The following BTBD2 variants were observed in gnomAD, a reference collection of about 807,000 sequenced individuals.
BTBD2 encodes the protein BTB domain containing 2, also known as BTB/POZ domain-containing protein 2.
BTBD2 carries 15 observed loss-of-function variants against 44.0 expected under a neutral mutation model. The observed-to-expected ratio is 0.34, with a 90% CI of 0.23 to 0.53. The LOEUF is 0.53. BTBD2 is among the 20% of genes least tolerant of loss of function. The pLI, the probability that BTBD2 is intolerant of heterozygous loss-of-function variation, is 0.95. For missense variants in BTBD2, 657 were observed against 746.4 expected, an observed-to-expected ratio of 0.88 and a Z score of 1.39; for synonymous variants, 443 against 335.9, an observed-to-expected ratio of 1.32 and a Z score of -3.49.
rs1054065527 is a variant in BTBD2, at chr19:1,993,138, G to A, written c.566C>T (p.Thr189Met). 1 of 1,606,446 alleles carries A rather than the reference G, an allele frequency of 6.2e-7. No homozygotes were observed. The highest frequency in any genetic ancestry group is 8.5e-7 in the Non-Finnish European group (1 of 1,179,646). The change falls in exon 3 of 9, where the codon ACG (threonine) becomes ATG (methionine). Residue 189 changes from threonine (T) to methionine (M), a missense_variant. Physicochemically the swap from Thr to Met is moderately conservative, Grantham distance 81. Coordinates refer to ENST00000255608, the MANE Select transcript of BTBD2 (RefSeq NM_017797.4). Reference protein sequence around the residue: ...YSDEVQIGPETVMTTLYTAKK... With the variant: ...YSDEVQIGPEMVMTTLYTAKK... ...GGCGGTGTATAGCGTGGTCATCACC[G>A]TCTCCGGGCCAATCTGCACCTCGTC...
intron 3 of BTBD2, among the ~76,000 whole-genome samples, chr19:1,992,409 T>G (rs2016191986): frequency 6.6e-6 from 1 of 151,950 alleles, no homozygotes; most frequent in Non-Finnish European, 1.5e-5. Flanking sequence ...CTGAATCTTT[T>G]TTTAATTTTT....
rs568272714 is a variant in BTBD2, at chr19:1,986,147, C to T, written c.*341G>A. 16 of 341,458 alleles carry T rather than the reference C, an allele frequency of 4.7e-5. No homozygotes were observed. The South Asian group carries it at 6.1e-4, about 13-fold the overall frequency. 21.2% of individuals were successfully genotyped at this position (341,458 alleles called of 1,614,324 possible). On this transcript the variant is annotated 3_prime_UTR_variant, in exon 9 of 9. Transcript: ENST00000255608. ...GCAGTGAAGAGACGCGAGGGACGCC[C>T]GCGGCGCACCGCCGGCAGACGACGT...
chr19:1,994,637 T>C (rs768696143), intron 2 of BTBD2, among the ~76,000 whole-genome samples: 21 of 152,014 alleles, frequency 1.4e-4, no homozygotes, highest in Middle Eastern at 3.4e-3. Flanking sequence ...CGTGTGCCTG[T>C]AGTCCCAGGT....
At chr19:1,999,836 C>T (rs1048092037) in intron 1 of BTBD2, among the ~76,000 whole-genome samples, 7 of 149,876 alleles carry the variant, frequency 4.7e-5, no homozygotes, top group South Asian at 2.1e-4. Context: ...GTGGTGGGTG[C>T]CTGTAATCCC....
intron 1 of BTBD2, among the ~76,000 whole-genome samples, chr19:2,009,641 G>C (rs1014682917): frequency 1.3e-5 from 2 of 151,138 alleles, no homozygotes; most frequent in African/African-American, 4.9e-5. Flanking sequence ...CTGAGCTCAG[G>C]AGTTCACCAT....
At chr19:1,993,224 C>T in intron 2 of BTBD2, 48 bp from the exon 3 acceptor site, 1 of 1,562,962 alleles carries the variant, frequency 6.4e-7, no homozygotes, top group Middle Eastern at 1.7e-4. Flanking sequence ...CCATGCCCGC[C>T]CCCAGGGGAG....
In BTBD2 at chr19:1,990,609, C is replaced by CA. The variant is rs1297512143; in HGVS notation, c.790+107dup. The CA allele has an allele frequency of 1.1e-5, 11 of 1,045,570 alleles. No individual in the cohort carries two copies. The East Asian group carries it at 2.9e-4, about 27-fold the overall frequency. The allele number at this position is 1,045,570 out of a possible 1,614,324, so 64.8% of individuals were successfully genotyped here. A position where few individuals can be genotyped will look rare whatever the true frequency, so the allele number is the denominator to read the frequency against. On this transcript the variant is annotated intron_variant, in intron 4 of 8. Coordinates refer to ENST00000255608, the MANE Select transcript of BTBD2 (RefSeq NM_017797.4). Reference sequence around the variant, plus strand: ...TGACCTGCTGCAAGTGGTGAGGCCCCAGCTCACCTGTGCAACTCCCCCAGG... The same window carrying CA: ...TGACCTGCTGCAAGTGGTGAGGCCCCAAGCTCACCTGTGCAACTCCCCCAGG...
chr19:1,998,972 C>T (rs372902490), intron 1 of BTBD2, among the ~76,000 whole-genome samples: 15 of 152,274 alleles, frequency 9.9e-5, no homozygotes, highest in East Asian at 5.8e-4. Context: ...AGCCTCCCCA[C>T]GCCCGGAAAG....
intron 1 of BTBD2, among the ~76,000 whole-genome samples, chr19:2,000,496 C>A (rs777336425): frequency 4.6e-5 from 7 of 152,212 alleles, no homozygotes; most frequent in African/African-American, 1.7e-4. Flanking sequence ...TCAGGGAGCA[C>A]CTCTGACATG....
intron 3 of BTBD2, among the ~76,000 whole-genome samples, chr19:1,992,810 G>C (rs2016197432): frequency 6.6e-6 from 1 of 151,528 alleles, no homozygotes; most frequent in Admixed American, 6.6e-5. Flanking sequence ...GAGCTCAGGT[G>C]ATCTGCCCGC....
intron 4 of BTBD2, 99 bp downstream of exon 4, chr19:1,990,618 T>C: frequency 1.8e-6 from 2 of 1,142,074 alleles, no homozygotes; most frequent in South Asian, 1.4e-5. Flanking sequence ...CCAGCTCACC[T>C]GTGCAACTCC....
chr19:1,989,827 G>C (rs1020223911), intron 5 of BTBD2, 177 bp downstream of exon 5: 2 of 690,008 alleles, frequency 2.9e-6, no homozygotes, highest in Admixed American at 2.6e-5. Flanking sequence ...AGCCGGGCCG[G>C]GGCTAACAGA....
intron 5 of BTBD2, chr19:1,987,944 G>A (rs905004148): frequency 6.8e-5 from 35 of 517,402 alleles, no homozygotes; most frequent in Non-Finnish European, 9.3e-5. Flanking sequence ...GGGTCTGACA[G>A]ATGCACTCAC....
At chr19:2,007,627 G>A (rs2016411236) in intron 1 of BTBD2, among the ~76,000 whole-genome samples, 1 of 152,116 alleles carries the variant, frequency 6.6e-6, no homozygotes, top group Admixed American at 6.6e-5. Flanking sequence ...TCAGGAGTTT[G>A]AGACCAGCCC....
intron 1 of BTBD2, among the ~76,000 whole-genome samples, chr19:2,013,330 G>A (rs1198437564): frequency 2.6e-5 from 4 of 152,072 alleles, no homozygotes; most frequent in Non-Finnish European, 4.4e-5. Flanking sequence ...GCCTGGGGCC[G>A]GTACCCCGCA....
intron 5 of BTBD2, chr19:1,987,901 C>G: frequency 1.7e-6 from 1 of 572,750 alleles, no homozygotes; most frequent in Non-Finnish European, 3.1e-6. Context: ...GACCAGAGGC[C>G]GACAGATACG....
At position 1,990,189 on chromosome 19, in the gene BTBD2, G is replaced by A; in HGVS notation, c.803C>T (p.Ala268Val). ...FTDIDLDTLV[A>V]VLERDTLGIR... is the part of the protein sequence containing the mutation. ...GCCCAGTGTGTCGCGCTCCAGGACA[G>A]CCACCAGCGTGTCTGTGGGGTGGAG... Residue 268 changes from alanine to valine, a missense_variant, in exon 5 of 9, where the codon GCT becomes GTT. By Grantham distance (64) the Ala-to-Val change is moderately conservative. This residue lies in a region of BTBD2 where 449 missense variants were observed against 510.9 expected (regional missense o/e 0.88). Transcript: ENST00000255608. The A allele has an allele frequency of 6.2e-7, 1 of 1,600,162 alleles. No individual in the cohort carries two copies. The highest frequency in any genetic ancestry group is 8.5e-7 in the Non-Finnish European group (1 of 1,174,346).
At chr19:1,991,101 C>T (rs566174272) in intron 3 of BTBD2, 4 of 366,470 alleles carry the variant, frequency 1.1e-5, no homozygotes, top group African/African-American at 4.2e-5. Context: ...TCGGCAGGGC[C>T]TGCTGCTTTA....
At chr19:2,011,301 G>A (rs537399617) in intron 1 of BTBD2, among the ~76,000 whole-genome samples, 6 of 152,012 alleles carry the variant, frequency 3.9e-5, no homozygotes, top group East Asian at 1.9e-4. Context: ...CATTTCTGCC[G>A]TCCCCACCGA....
Sources: gnomAD v4.1 joint callset for allele counts (sites outside exome capture counted in the v4.1 genomes callset) on GRCh38, gnomAD v4.1.1 for gene constraint, gnomAD v4.1.1 regional missense constraint, MANE v1.5 for transcripts, NCBI Gene and HGNC (gene_info 2026-07-23, HGNC 2026-07-21) for gene names.